Variants in TAS1R2 observed in about 807,000 individuals in gnomAD.
TAS1R2 encodes taste receptor type 1 member 2.
Under a neutral mutation model 49.3 loss-of-function variants are expected in TAS1R2, and 47 were observed. That is an observed-to-expected ratio of 0.95 (90% CI 0.75 to 1.22). The LOEUF (loss-of-function observed/expected upper bound fraction) is 1.22, where lower values mean the gene tolerates loss of function less well. Ranked by LOEUF, TAS1R2 falls within the 50% of genes most tolerant of loss-of-function variation. The probability of loss-of-function intolerance (pLI) is 0.00; values close to 1 mark genes in which losing one functional copy is unlikely to be tolerated. For missense variants in TAS1R2, 1,155 were observed against 1,122.1 expected (o/e 1.03, Z -0.42); for synonymous variants, 479 against 467.9 (o/e 1.02, Z -0.31).
At chr1:18,853,782 CTGTGGA>C (rs1934074962) in intron 3 of TAS1R2, among the ~76,000 whole-genome samples, 1 of 152,122 alleles carries the variant, frequency 6.6e-6, no homozygotes, top group South Asian at 2.1e-4. Flanking sequence ...CTGTGTGTGC[CTGTGGA>C]TGTGGATGTG....
At chr1:18,841,739 G>A (rs1384913319) in exon 5 of TAS1R2, 1 of 1,613,796 alleles carries the variant, frequency 6.2e-7, no homozygotes, top group East Asian at 2.2e-5. Context: ...CTTCAGTGTG[G>A]TTGAGGAAGG....
Position 18,854,212 on chromosome 1 carries a change from C to A in TAS1R2, c.1257+1G>T. On this transcript the variant is annotated splice_donor_variant, in intron 3 of 5. Coordinates refer to ENST00000375371, the Ensembl canonical transcript of TAS1R2. LOFTEE classifies it high-confidence loss of function. The surrounding 1 kb of genome is among the most constrained non-coding windows in gnomAD (Gnocchi z 4.9). ...AGACTCTATGGCAGCCACCCCCTCA[C>A]CTGCCAGGGGTAGACCACCCTCTTG... 7 of 1,611,162 alleles carry A rather than the reference C, an allele frequency of 4.3e-6. No homozygotes were observed. Among genetic ancestry groups the A allele is most frequent in the Non-Finnish European group, 5.9e-6 (7 of 1,177,716 alleles).
chr1:18,851,476 C>A (rs1262988459), intron 3 of TAS1R2, among the ~76,000 whole-genome samples: 1 of 152,088 alleles, frequency 6.6e-6, no homozygotes, highest in Non-Finnish European at 1.5e-5. Context: ...ATTACAGACG[C>A]CCTCCACTAT....
chr1:18,851,792 G>A (rs1934031591), intron 3 of TAS1R2, among the ~76,000 whole-genome samples: 1 of 152,038 alleles, frequency 6.6e-6, no homozygotes, highest in East Asian at 1.9e-4. Flanking sequence ...TCTCTACCTC[G>A]CCTCTCATGG....
intron 4 of TAS1R2, among the ~76,000 whole-genome samples, chr1:18,846,221 C>T (rs538586242): frequency 6.6e-6 from 1 of 152,322 alleles, no homozygotes; most frequent in East Asian, 1.9e-4. Flanking sequence ...CCATGGGAGG[C>T]CTCTGAAGCT....
In TAS1R2 at chr1:18,858,885, C is replaced by A. The variant is rs572554664; in HGVS notation, c.182+594G>T. On this transcript the variant is annotated intron_variant, in intron 1 of 5. Transcript: ENST00000375371. ...TCCTTTCTCCTTGTCTCCCGCAATA[C>A]CTTCACCCTCTCTGCAAGAGGTCAC... Among the ~76,000 whole-genome samples the A allele has an allele frequency of 4.9e-4, 74 of 152,310 alleles. 1 individual carries two copies. Among genetic ancestry groups the A allele is most frequent in the South Asian group, 1.9e-3 (9 of 4,828 alleles).
At chr1:18,843,667 C>T (rs1224352304) in intron 4 of TAS1R2, among the ~76,000 whole-genome samples, 1 of 152,186 alleles carries the variant, frequency 6.6e-6, no homozygotes, top group Non-Finnish European at 1.5e-5. Context: ...TTTGAGTTAT[C>T]TATGCTTATA....
chr1:18,840,325 C>T (rs1933797861), exon 6 of TAS1R2: 17 of 1,614,086 alleles, frequency 1.1e-5, no homozygotes, highest in Middle Eastern at 3.3e-4. Context: ...GGCCCCCAGC[C>T]GAGCGAACTA....
At chr1:18,856,296 A>T (rs1934135886) in intron 2 of TAS1R2, among the ~76,000 whole-genome samples, 1 of 151,876 alleles carries the variant, frequency 6.6e-6, no homozygotes, top group Non-Finnish European at 1.5e-5. Context: ...TAGGTCCCTC[A>T]TGGCTCCCTC....
chr1:18,852,384 T>G (rs1037659739), intron 3 of TAS1R2, among the ~76,000 whole-genome samples: 1 of 152,206 alleles, frequency 6.6e-6, no homozygotes, highest in Non-Finnish European at 1.5e-5. Flanking sequence ...GCCACAGGTC[T>G]GCGTGCATCC....
intron 4 of TAS1R2, among the ~76,000 whole-genome samples, chr1:18,844,935 C>A (rs1339291818): frequency 1.3e-5 from 2 of 152,182 alleles, no homozygotes; most frequent in Non-Finnish European, 2.9e-5. Flanking sequence ...ACTGCCATTG[C>A]AGAACACCTA....
At chr1:18,848,562 C>G (rs1255999083) in intron 4 of TAS1R2, among the ~76,000 whole-genome samples, 1 of 123,748 alleles carries the variant, frequency 8.1e-6, no homozygotes, top group African/African-American at 3.1e-5. Context: ...TGTTAGGAAC[C>G]TGGGCCACAC....
chr1:18,855,885 T>A (rs979781829), intron 2 of TAS1R2, among the ~76,000 whole-genome samples: 1 of 152,188 alleles, frequency 6.6e-6, no homozygotes, highest in African/African-American at 2.4e-5. Context: ...CAAATCCTCT[T>A]GGCTCTACCT....
chr1:18,857,278 G>T, intron 2 of TAS1R2, 53 bp downstream of exon 2: 2 of 1,568,084 alleles, frequency 1.3e-6, no homozygotes, highest in South Asian at 2.4e-5. Flanking sequence ...CCTCTAGACA[G>T]CCATTCCTCT....
exon 2 of TAS1R2, chr1:18,857,631 C>A (rs776064782): frequency 1.2e-6 from 2 of 1,610,002 alleles, no homozygotes; most frequent in South Asian, 1.1e-5. Context: ...TCACTTCATA[C>A]CTGGAGGGGC....
intron 3 of TAS1R2, among the ~76,000 whole-genome samples, chr1:18,853,698 A>G (rs1040881895): frequency 1.3e-5 from 2 of 152,176 alleles, no homozygotes; most frequent in African/African-American, 4.8e-5. Context: ...TGCGTCTCTA[A>G]TGTAAATCCC....
intron 5 of TAS1R2, among the ~76,000 whole-genome samples, chr1:18,840,748 G>C (rs139356856): frequency 6.6e-6 from 1 of 152,240 alleles, no homozygotes; most frequent in Non-Finnish European, 1.5e-5. Context: ...GCCAGGTTAA[G>C]TAATTTGCCC....
intron 1 of TAS1R2, chr1:18,858,278 C>T (rs907953211): frequency 1.3e-5 from 2 of 152,702 alleles, no homozygotes; most frequent in African/African-American, 2.4e-5. Context: ...TCATCACTAA[C>T]ACCATCAGCA....
intron 2 of TAS1R2, among the ~76,000 whole-genome samples, chr1:18,856,146 C>T (rs1934134168): frequency 6.6e-6 from 1 of 152,228 alleles, no homozygotes. Context: ...CGTCATTTAT[C>T]TGCACAACTC....
Sources: gnomAD v4.1 joint callset for allele counts (sites outside exome capture counted in the v4.1 genomes callset) on GRCh38, gnomAD v4.1.1 for gene constraint, Gnocchi (gnomAD v3.1) non-coding constraint, MANE v1.5 for transcripts, NCBI Gene and HGNC (gene_info 2026-07-23, HGNC 2026-07-21) for gene names.